DTNB: variants seen among roughly 807,000 people sequenced by gnomAD.
DTNB encodes the protein DTN-B.
In DTNB, 63 loss-of-function variants were observed where a neutral mutation model predicts 90.7. The observed-to-expected ratio is 0.69, with a 90% confidence interval of 0.57 to 0.86. The LOEUF (loss-of-function observed/expected upper bound fraction) is 0.86. Among genes scored for constraint, DTNB ranks in the 40% least tolerant of loss-of-function variants. The pLI is 0.00. For synonymous variants in DTNB, 277 were observed against 286.7 expected (o/e 0.97, Z 0.34); for missense variants, 744 against 807.1 (o/e 0.92, Z 0.95).
intron 9 of DTNB, among the ~76,000 whole-genome samples, chr2:25,528,809 C>T (rs1035643289): frequency 1.3e-5 from 2 of 152,124 alleles, no homozygotes; most frequent in African/African-American, 4.8e-5. Flanking sequence ...ACAGCAATTA[C>T]AAATGTCAAG....
chr2:25,555,315 A>AG (rs2057135282), intron 8 of DTNB, among the ~76,000 whole-genome samples: 1 of 151,364 alleles, frequency 6.6e-6, no homozygotes, highest in Non-Finnish European at 1.5e-5. Flanking sequence ...AAAAACAAAA[A>AG]GGTCTGAAGC....
At chr2:25,548,720 T>C (rs2082972327) in intron 8 of DTNB, among the ~76,000 whole-genome samples, 1 of 152,132 alleles carries the variant, frequency 6.6e-6, no homozygotes, top group Admixed American at 6.6e-5. Flanking sequence ...GGACTGTGGC[T>C]TTTACCCTGA....
At position 25,503,111 on chromosome 2, in the gene DTNB, G is replaced by A. The variant is rs369499516; in HGVS notation, c.1002-20238C>T. 8.3e-5 allele frequency among the ~76,000 whole-genome samples: 10 copies of A among 120,746 alleles called. No individual in the cohort carries two copies. In the South Asian group the frequency reaches 1.1e-3, roughly 14 times the overall value. The allele number at this position is 120,746 out of a possible 152,430, so 79.2% of individuals were successfully genotyped here. A position where few individuals can be genotyped will look rare whatever the true frequency, so the allele number is the denominator to read the frequency against. ...AAAAAAGTCCAGACTGTGAAGCTAC[G>A]AAGGAAGAAGTCAAGAAGTCAAATT... is the stretch of plus-strand genomic sequence containing the variant. On this transcript the variant is annotated intron_variant, in intron 9 of 20. Coordinates refer to ENST00000406818, the MANE Select transcript of DTNB (RefSeq NM_021907.5).
rs765077408 is a variant in DTNB at position 25,433,978 on chromosome 2, G to A, written c.1275C>T (p.Asp425=). The change falls in exon 13 of 21, where the codon GAC becomes GAT. Residue 425 remains aspartate (D), a synonymous_variant. Coordinates refer to ENST00000406818, the MANE Select transcript of DTNB (RefSeq NM_021907.5). Reference sequence around the variant, plus strand: ...TGTTGGCATCAAAGTTAAAGCTCAAGTCAGTGGGAGGACGAGTCTAAAGTG... The same window carrying A: ...TGTTGGCATCAAAGTTAAAGCTCAAATCAGTGGGAGGACGAGTCTAAAGTG... ...EAGNVTRPPT[D]LSFNFDANKQ... The A allele has an allele frequency of 2.5e-6, 4 of 1,613,508 alleles. No individual in the cohort carries two copies. Among genetic ancestry groups the A allele is most frequent in the Non-Finnish European group, 3.4e-6 (4 of 1,179,760 alleles).
chr2:25,381,587 G>A (rs2149496715), intron 19 of DTNB, among the ~76,000 whole-genome samples: 1 of 152,256 alleles, frequency 6.6e-6, no homozygotes, highest in East Asian at 1.9e-4. Context: ...TGTTGCCTAT[G>A]CTGGTCTCAA....
chr2:25,384,852 T>C (rs1471750239), intron 18 of DTNB, among the ~76,000 whole-genome samples: 1 of 152,160 alleles, frequency 6.6e-6, no homozygotes, highest in Non-Finnish European at 1.5e-5. Flanking sequence ...AAATGACTTC[T>C]AACATCCTTT....
At chr2:25,476,094 G>A (rs2063700109) in intron 10 of DTNB, among the ~76,000 whole-genome samples, 1 of 137,242 alleles carries the variant, frequency 7.3e-6, no homozygotes, top group South Asian at 2.3e-4. Flanking sequence ...TTGAGAAGTA[G>A]TTTCGCTCTT....
At position 25,524,720 on chromosome 2, in the gene DTNB, G is replaced by A. The variant is rs533297147; in HGVS notation, c.1001+6753C>T. Among the ~76,000 whole-genome samples, 63 of 152,200 alleles carry A rather than the reference G, an allele frequency of 4.1e-4. No homozygotes were observed. The South Asian group carries it at 0.012, about 30-fold the overall frequency. ...TTTCTTCCCCTGCTGCAGCAATGAGGAGGGCTCGTGTGAAGATGGTGGAGC... is the reference window on the plus strand; with the variant it reads ...TTTCTTCCCCTGCTGCAGCAATGAGAAGGGCTCGTGTGAAGATGGTGGAGC... On this transcript the variant is annotated intron_variant, in intron 9 of 20. Coordinates refer to ENST00000406818, the MANE Select transcript of DTNB (RefSeq NM_021907.5).
intron 1 of DTNB, 80 bp downstream of exon 1, chr2:25,673,306 T>G (rs981842906): frequency 2.6e-5 from 4 of 151,286 alleles, no homozygotes; most frequent in Admixed American, 2.0e-4. Context: ...CAGCGCGAGC[T>G]GCCGTCCCGC....
At position 25,553,306 on chromosome 2, in the gene DTNB, A is replaced by G. The variant is rs1180219782; in HGVS notation, c.877-21709T>C. On this transcript the variant is annotated intron_variant, in intron 8 of 20. Transcript: ENST00000406818. ...AAAGGCTTCAAAATAACTGCAATAA[A>G]AAGTGAAAAATTAGAATTGCTAAGC... 2.6e-5 allele frequency among the ~76,000 whole-genome samples: 4 copies of G among 152,148 alleles called. No homozygotes were observed. In the South Asian group the frequency reaches 8.3e-4, roughly 32 times the overall value.
At chr2:25,419,647 AC>A in intron 15 of DTNB, 112 bp from the exon 16 acceptor site, 1 of 1,388,998 alleles carries the variant, frequency 7.2e-7, no homozygotes, top group South Asian at 1.4e-5. Context: ...AATCAGGCAA[AC>A]CAGGCCAGGC....
At chr2:25,635,761 A>C (rs919624536) in intron 3 of DTNB, among the ~76,000 whole-genome samples, 2 of 152,254 alleles carry the variant, frequency 1.3e-5, no homozygotes, top group Non-Finnish European at 2.9e-5. Context: ...GTTTATATGA[A>C]AATGAATGTT....
At chr2:25,593,547 C>A (rs889676574) in intron 6 of DTNB, among the ~76,000 whole-genome samples, 1 of 152,092 alleles carries the variant, frequency 6.6e-6, no homozygotes, top group African/African-American at 2.4e-5. Flanking sequence ...AGATAAACTT[C>A]TCTTTTCCAA....
chr2:25,499,969 C>G (rs2070110692), intron 9 of DTNB, among the ~76,000 whole-genome samples: 1 of 152,164 alleles, frequency 6.6e-6, no homozygotes, highest in Non-Finnish European at 1.5e-5. Context: ...GATTATAGCT[C>G]ACTACAACCT....
intron 16 of DTNB, among the ~76,000 whole-genome samples, chr2:25,404,392 G>T (rs1274600514): frequency 6.6e-6 from 1 of 152,154 alleles, no homozygotes; most frequent in African/African-American, 2.4e-5. Context: ...ACCAGGCGGG[G>T]GAAAGTGCAT....
intron 3 of DTNB, among the ~76,000 whole-genome samples, chr2:25,629,226 G>A (rs2075148735): frequency 6.6e-6 from 1 of 151,984 alleles, no homozygotes; most frequent in Non-Finnish European, 1.5e-5. Flanking sequence ...TCTACACCTA[G>A]TATAAAAAAA....
rs189004993 is a variant in DTNB at position 25,536,067 on chromosome 2, C to T, written c.877-4470G>A. ...GAGGTGCTCCCCACTTCCTCCCAGA[C>T]GGGGCGGCTGGGCCGAGGCGCTCCT... On this transcript the variant is annotated intron_variant, in intron 8 of 20. Coordinates refer to ENST00000406818, the MANE Select transcript of DTNB (RefSeq NM_021907.5). Among the ~76,000 whole-genome samples, 603 of 140,168 alleles carry T rather than the reference C, an allele frequency of 4.3e-3. 3 individuals are homozygous for T. Among genetic ancestry groups the T allele is most frequent in the African/African-American group, 0.015 (566 of 37,364 alleles). 92.0% of individuals were successfully genotyped at this position (140,168 alleles called of 152,430 possible). A position where few individuals can be genotyped will look rare whatever the true frequency, so the allele number is the denominator to read the frequency against.
intron 4 of DTNB, among the ~76,000 whole-genome samples, chr2:25,616,961 A>AAAC: frequency 6.6e-6 from 1 of 151,166 alleles, no homozygotes; most frequent in African/African-American, 2.4e-5. Context: ...AAGGAAAAAA[A>AAAC]AGACTCATTA....
intron 1 of DTNB, among the ~76,000 whole-genome samples, chr2:25,663,895 T>G (rs1179104525): frequency 6.6e-6 from 1 of 152,202 alleles, no homozygotes; most frequent in African/African-American, 2.4e-5. Context: ...GAACAAGAGT[T>G]TATGACTTTT....
Sources: allele counts gnomAD v4.1 joint callset (sites outside exome capture counted in the v4.1 genomes callset), GRCh38; gene constraint gnomAD v4.1.1; transcripts MANE v1.5; gene names NCBI Gene and HGNC (gene_info 2026-07-23, HGNC 2026-07-21).